PTPN13: variants seen among roughly 807,000 people sequenced by gnomAD.
The protein encoded by PTPN13 is protein tyrosine phosphatase non-receptor type 13.
Under a neutral mutation model 284.0 loss-of-function variants are expected in PTPN13, and 191 were observed. The ratio of observed to expected loss-of-function variants is 0.67; its 90% confidence interval spans 0.60 to 0.76. The LOEUF is 0.76. Among genes scored for constraint, PTPN13 ranks in the 30% least tolerant of loss-of-function variants. The pLI, the probability that PTPN13 is intolerant of heterozygous loss-of-function variation, is 0.00. For missense variants in PTPN13, 2,797 were observed against 2,939.9 expected (o/e 0.95, Z 1.12); for synonymous variants, 986 against 1,022.3 (o/e 0.96, Z 0.68).
At chr4:86,669,369 T>C (rs1353046014) in intron 2 of PTPN13, among the ~76,000 whole-genome samples, 1 of 148,770 alleles carries the variant, frequency 6.7e-6, no homozygotes, top group African/African-American at 2.5e-5. Context: ...AAACAACATA[T>C]TGTATAAAAG....
chr4:86,595,685 T>C, intron 1 of PTPN13: 2 of 943,994 alleles, frequency 2.1e-6, no homozygotes, highest in Non-Finnish European at 2.5e-6. Context: ...GGGAGCTGCC[T>C]GGAGCTGAGC....
rs376241896 is a variant in PTPN13 at position 86,732,463 on chromosome 4, C to G, written c.1672C>G (p.Arg558Gly). The G allele has an allele frequency of 2.7e-5, 44 of 1,600,886 alleles. No individual in the cohort carries two copies. The South Asian group carries it at 4.5e-4, about 16-fold the overall frequency. The change falls in exon 11 of 48, where the codon CGG (arginine) becomes GGG (glycine). Residue 558 changes from arginine (R) to glycine (G), a missense_variant. Transcript: ENST00000411767. ...IEPFISLDLP[R>G]SILTKKGKNE... ...ACCATTTATATCTTTGGATTTGCCA[C>G]GGTCTATTCTTGTAAGTAATAAAAC...
intron 20 of PTPN13, among the ~76,000 whole-genome samples, chr4:86,756,637 T>C (rs1285069881): frequency 1.3e-5 from 2 of 152,146 alleles, no homozygotes; most frequent in Non-Finnish European, 2.9e-5. Context: ...AATTCACTCC[T>C]GAGAGGAAAT....
At chr4:86,784,364 T>C (rs1741667872) in intron 37 of PTPN13, 101 bp from the exon 38 acceptor site, 1 of 733,868 alleles carries the variant, frequency 1.4e-6, no homozygotes, top group Non-Finnish European at 2.2e-6. Flanking sequence ...GTAAAATGGA[T>C]CTTGTACTAA....
In PTPN13 at chr4:86,772,360, C is replaced by T. The variant is rs904000190; in HGVS notation, c.5169-418C>T. Among the ~76,000 whole-genome samples, 19 of 152,202 alleles carry T rather than the reference C, an allele frequency of 1.2e-4. No homozygotes were observed. In the East Asian group the frequency reaches 3.7e-3, roughly 29 times the overall value. Reference sequence around the variant, plus strand: ...CCTGAGCTCAGGAGTTCGAGACCAGCCTGGGCAACATGGCAAAATCCCATC... The same window carrying T: ...CCTGAGCTCAGGAGTTCGAGACCAGTCTGGGCAACATGGCAAAATCCCATC... On this transcript the variant is annotated intron_variant, in intron 31 of 47. Coordinates refer to ENST00000411767, the MANE Select transcript of PTPN13 (RefSeq NM_080683.3).
intron 2 of PTPN13, among the ~76,000 whole-genome samples, chr4:86,658,827 C>G (rs1463190658): frequency 6.6e-6 from 1 of 151,940 alleles, no homozygotes; most frequent in African/African-American, 2.4e-5. Flanking sequence ...AAAAATTCTA[C>G]ACGTAGATTA....
chr4:86,744,961 T>A lies in PTPN13; in HGVS notation c.2488-5T>A. 1 of 1,543,446 alleles carries A rather than the reference T, an allele frequency of 6.5e-7. No individual in the cohort carries two copies. The highest frequency in any genetic ancestry group is 8.8e-7 in the Non-Finnish European group (1 of 1,137,090). The stretch of plus-strand genomic sequence containing the variant: ...AATTATGAATACCCTTGGTTAATAT[T>A]GTAGAAAAAGAAAATCACATTGCAA... On this transcript the variant is annotated splice_polypyrimidine_tract_variant and splice_region_variant and intron_variant, in intron 16 of 47. Coordinates refer to ENST00000411767, the MANE Select transcript of PTPN13 (RefSeq NM_080683.3).
intron 15 of PTPN13, among the ~76,000 whole-genome samples, chr4:86,736,606 G>A (rs946055547): frequency 2.0e-5 from 3 of 152,126 alleles, no homozygotes; most frequent in Non-Finnish European, 2.9e-5. Context: ...TTAAATTATG[G>A]ACTTATACTT....
At chr4:86,803,938 A>G (rs766758030) in intron 43 of PTPN13, 81 bp downstream of exon 43, 10 of 1,469,606 alleles carry the variant, frequency 6.8e-6, no homozygotes, top group Non-Finnish European at 9.2e-6. Flanking sequence ...CTGGCCCAAG[A>G]TTAGAAGAAT....
chr4:86,610,189 G>A (rs1765141498), intron 1 of PTPN13, among the ~76,000 whole-genome samples: 1 of 152,042 alleles, frequency 6.6e-6, no homozygotes, highest in Admixed American at 6.6e-5. Context: ...ACTCCAGCCA[G>A]ACGACAGCAA....
chr4:86,718,051 T>G (rs1274213522), intron 9 of PTPN13, among the ~76,000 whole-genome samples: 1 of 152,324 alleles, frequency 6.6e-6, no homozygotes, highest in East Asian at 1.9e-4. Flanking sequence ...TTTATGTTGT[T>G]TAAACTGAAA....
intron 2 of PTPN13, among the ~76,000 whole-genome samples, chr4:86,660,396 G>T (rs972199619): frequency 1.5e-4 from 22 of 150,872 alleles, no homozygotes; most frequent in African/African-American, 5.1e-4. Context: ...AATTCCTGAG[G>T]TTTTTTTTTA....
rs752103797 is a variant in PTPN13 at position 86,751,066 on chromosome 4, G to A, written c.3108G>A (p.Arg1036=). 1 of 1,610,534 alleles carries A rather than the reference G, an allele frequency of 6.2e-7. No homozygotes were observed. Among genetic ancestry groups the A allele is most frequent in the Non-Finnish European group, 8.5e-7 (1 of 1,177,148 alleles). ...SVASLNRSPE[R]RKHESDSSSI... is the part of the protein sequence containing the mutation. ...CGAGTTTAAATAGAAGTCCTGAAAG[G>A]AGGAAACATGAATCAGACTCCTCAT... is the stretch of plus-strand genomic sequence containing the variant. The change falls in exon 19 of 48, where the codon AGG becomes AGA. Residue 1036 remains arginine, a synonymous_variant. Coordinates refer to ENST00000411767, the MANE Select transcript of PTPN13 (RefSeq NM_080683.3).
In PTPN13 at chr4:86,745,072, A is replaced by G. The variant is rs61750815; in HGVS notation, c.2594A>G (p.His865Arg). Residue 865 changes from histidine (H) to arginine (R), a missense_variant, in exon 17 of 48, where the codon CAT becomes CGT. Coordinates refer to ENST00000411767, the MANE Select transcript of PTPN13 (RefSeq NM_080683.3). ...CTGCTGCACCTCTGCTCTTACCAGC[A>G]TAAGTTCCAGCTACAGATGAGAGCA... ...QYLLHLCSYQ[H>R]KFQLQMRARQ... The G allele has an allele frequency of 4.8e-3, 7,674 of 1,612,836 alleles. 39 individuals are homozygous for G. Among genetic ancestry groups the G allele is most frequent in the Non-Finnish European group, 6.0e-3 (7,130 of 1,179,454 alleles).
At chr4:86,812,309 C>CAAAAAA (rs555017151) in intron 47 of PTPN13, among the ~76,000 whole-genome samples, 3 of 58,728 alleles carry the variant, frequency 5.1e-5, no homozygotes, top group Admixed American at 2.0e-4. Context: ...GACTCCGTCT[C>CAAAAAA]AAAAAAAAAA....
chr4:86,600,215 A>G (rs1236092612), intron 1 of PTPN13, among the ~76,000 whole-genome samples: 1 of 152,060 alleles, frequency 6.6e-6, no homozygotes, highest in African/African-American at 2.4e-5. Context: ...GTGTCATCAA[A>G]CTTAATGGTA....
intron 40 of PTPN13, among the ~76,000 whole-genome samples, 164 bp downstream of exon 40, chr4:86,786,100 T>G (rs976436664): frequency 6.6e-5 from 10 of 151,822 alleles, no homozygotes; most frequent in African/African-American, 2.4e-4. Flanking sequence ...TGTCATCCTA[T>G]CCTAGTGAAA....
chr4:86,673,496 G>A (rs1013672874), intron 3 of PTPN13, among the ~76,000 whole-genome samples: 1 of 152,158 alleles, frequency 6.6e-6, no homozygotes, highest in Non-Finnish European at 1.5e-5. Context: ...CTACCTAGAG[G>A]GATGTGGTTA....
chr4:86,635,514 T>C, intron 2 of PTPN13, 143 bp downstream of exon 2: 1 of 1,281,674 alleles, frequency 7.8e-7, no homozygotes, highest in Non-Finnish European at 1.0e-6. Flanking sequence ...TCCTTATCTC[T>C]TTTAGGGCTG....
Sources: allele counts gnomAD v4.1 joint callset (sites outside exome capture counted in the v4.1 genomes callset), GRCh38; gene constraint gnomAD v4.1.1; transcripts MANE v1.5; gene names NCBI Gene and HGNC (gene_info 2026-07-23, HGNC 2026-07-21).